CNTLN: variants seen among roughly 807,000 people sequenced by gnomAD.
The protein encoded by CNTLN is centlein, also known as centlein, centrosomal protein.
Under a neutral mutation model 180.0 loss-of-function variants are expected in CNTLN, and 212 were observed. The ratio of observed to expected loss-of-function variants is 1.18; its 90% CI spans 1.05 to 1.32. The LOEUF (loss-of-function observed/expected upper bound fraction) is 1.32. Among genes scored for constraint, CNTLN ranks in the 40% most tolerant of loss-of-function variants. CNTLN has a pLI of 0.00. For synonymous variants in CNTLN, 722 were observed against 563.1 expected (o/e 1.28, Z -3.99); for missense variants, 2,095 against 1,610.9 (o/e 1.30, Z -5.14).
rs369729227 is a variant in CNTLN, at chr9:17,312,364, T to TATA, written c.1341+3112_1341+3113insATA. ...GTATTTATATATATATATATATATA[T>TATA]TATATATATATATATATATAATTTA... On this transcript the variant is annotated intron_variant, in intron 8 of 25. Coordinates refer to ENST00000380647, the MANE Select transcript of CNTLN (RefSeq NM_017738.4). 4.2e-3 allele frequency among the ~76,000 whole-genome samples: 85 copies of TATA among 20,172 alleles called. 2 individuals are homozygous for TATA. Among genetic ancestry groups the TATA allele is most frequent in the Non-Finnish European group, 6.6e-3 (46 of 6,974 alleles). The allele number at this position is 20,172 out of a possible 152,430, so 13.2% of individuals were successfully genotyped here. A position where few individuals can be genotyped will look rare whatever the true frequency, so the allele number is the denominator to read the frequency against.
chr9:17,419,147 C>G (rs189029884), intron 18 of CNTLN, among the ~76,000 whole-genome samples: 221 of 152,008 alleles, frequency 1.5e-3, no homozygotes, highest in African/African-American at 4.9e-3. Flanking sequence ...TACATTTTGC[C>G]TACTCTAAAG....
chr9:17,250,039 C>G (rs576531942), intron 5 of CNTLN, among the ~76,000 whole-genome samples: 5 of 151,014 alleles, frequency 3.3e-5, no homozygotes, highest in East Asian at 3.9e-4. Context: ...ATTGTTTGCT[C>G]TCTATATTTT....
chr9:17,526,322 T>A, the CNTLN span, among the ~76,000 whole-genome samples: 1 of 152,314 alleles, frequency 6.6e-6, no homozygotes, highest in African/African-American at 2.4e-5. Flanking sequence ...TAAAATTAAT[T>A]AGGTATGTCT....
intron 18 of CNTLN, among the ~76,000 whole-genome samples, chr9:17,428,984 C>A (rs1462269801): frequency 6.6e-6 from 1 of 151,904 alleles, no homozygotes; most frequent in South Asian, 2.1e-4. Flanking sequence ...CAGTTAGTGT[C>A]TATTATCGTG....
At chr9:17,504,348 A>C (rs1331950429), downstream of CNTLN, among the ~76,000 whole-genome samples, 1 of 152,184 alleles carries the variant, frequency 6.6e-6, no homozygotes, top group African/African-American at 2.4e-5. Context: ...AAATTACAAA[A>C]CTTAAAATGT....
At chr9:17,184,876 C>G (rs917339473) in intron 2 of CNTLN, among the ~76,000 whole-genome samples, 2 of 152,132 alleles carry the variant, frequency 1.3e-5, no homozygotes, top group African/African-American at 4.8e-5. Flanking sequence ...TAAATTATTA[C>G]CGTATTTTTC....
intron 21 of CNTLN, among the ~76,000 whole-genome samples, chr9:17,465,646 T>C (rs965152155): frequency 1.3e-5 from 2 of 151,140 alleles, no homozygotes; most frequent in African/African-American, 4.8e-5. Flanking sequence ...TAACTTGGCT[T>C]GTTTCAGAGT....
intron 5 of CNTLN, among the ~76,000 whole-genome samples, chr9:17,254,108 C>A (rs909559331): frequency 6.6e-6 from 1 of 151,616 alleles, no homozygotes; most frequent in Non-Finnish European, 1.5e-5. Flanking sequence ...ATCATCCCTG[C>A]ATCCCTGGGA....
chr9:17,269,526 A>G (rs375920965), intron 5 of CNTLN, among the ~76,000 whole-genome samples: 6 of 152,048 alleles, frequency 3.9e-5, no homozygotes, highest in Admixed American at 2.0e-4. Context: ...TGTTTGGTCA[A>G]TTGGTTGTTT....
At chr9:17,326,571 A>G (rs898024727) in intron 8 of CNTLN, among the ~76,000 whole-genome samples, 2 of 152,122 alleles carry the variant, frequency 1.3e-5, no homozygotes, top group African/African-American at 4.8e-5. Context: ...TTAAGTTTTT[A>G]AAAAGCAAGT....
chr9:17,517,377 G>T, the CNTLN span, among the ~76,000 whole-genome samples: 8 of 149,488 alleles, frequency 5.4e-5, no homozygotes, highest in African/African-American at 7.4e-5. Context: ...GGGCAACAGA[G>T]CGAGACTCCA....
chr9:17,267,915 A>G (rs1425238867), intron 5 of CNTLN, among the ~76,000 whole-genome samples: 1 of 151,952 alleles, frequency 6.6e-6, no homozygotes, highest in East Asian at 1.9e-4. Flanking sequence ...TCTCTGCATT[A>G]GTTGTTCTAG....
At chr9:17,261,557 C>G (rs1470903265) in intron 5 of CNTLN, among the ~76,000 whole-genome samples, 1 of 151,262 alleles carries the variant, frequency 6.6e-6, no homozygotes, top group Non-Finnish European at 1.5e-5. Context: ...TATGTATTCC[C>G]TAGGAGACTT....
intron 6 of CNTLN, among the ~76,000 whole-genome samples, chr9:17,287,233 T>TA (rs2132644900): frequency 6.6e-6 from 1 of 151,996 alleles, no homozygotes; most frequent in African/African-American, 2.4e-5. Flanking sequence ...CTGAATTTTG[T>TA]CAAAGGCTTT....
chr9:17,200,971 T>C (rs1302603567), intron 2 of CNTLN, among the ~76,000 whole-genome samples: 1 of 152,244 alleles, frequency 6.6e-6, no homozygotes, highest in Non-Finnish European at 1.5e-5. Context: ...TATGGATTTG[T>C]CATAAATAGC....
chr9:17,427,138 G>A (rs1011984574), intron 18 of CNTLN, among the ~76,000 whole-genome samples: 2 of 152,088 alleles, frequency 1.3e-5, no homozygotes, highest in African/African-American at 2.4e-5. Flanking sequence ...CAAAGTTTCA[G>A]CTCCTGCTCC....
At chr9:17,516,602 C>G in the CNTLN span, among the ~76,000 whole-genome samples, 1 of 151,994 alleles carries the variant, frequency 6.6e-6, no homozygotes, top group East Asian at 1.9e-4. Context: ...TTCTTCTTGG[C>G]CCCCCCTGGA....
chr9:17,454,948 C>A (rs959511855), intron 18 of CNTLN, among the ~76,000 whole-genome samples: 1 of 152,172 alleles, frequency 6.6e-6, no homozygotes, highest in Admixed American at 6.5e-5. Context: ...TGCTAATAAA[C>A]AAGAAAAATC....
intron 2 of CNTLN, among the ~76,000 whole-genome samples, chr9:17,198,046 A>C (rs1255019357): frequency 1.3e-5 from 2 of 152,114 alleles, no homozygotes; most frequent in East Asian, 3.9e-4. Flanking sequence ...AGTTCACTGT[A>C]GATGTATGCC....
Sources: gnomAD v4.1 joint callset for allele counts (sites outside exome capture counted in the v4.1 genomes callset) on GRCh38, gnomAD v4.1.1 for gene constraint, MANE v1.5 for transcripts, NCBI Gene and HGNC (gene_info 2026-07-23, HGNC 2026-07-21) for gene names.